The following IKZF4 variants were observed in gnomAD, a reference collection of about 807,000 sequenced individuals.
The protein encoded by IKZF4 is IKAROS family zinc finger 4, also known as zinc finger protein Eos.
In IKZF4, 11 loss-of-function variants were observed where a neutral mutation model predicts 47.7. The observed-to-expected ratio is 0.23, with a 90% CI of 0.15 to 0.38. The LOEUF is 0.38. Among genes scored for constraint, IKZF4 ranks in the 10% least tolerant of loss-of-function variants. IKZF4 has a pLI of 1.00. For synonymous variants in IKZF4, 298 were observed against 299.4 expected (o/e 1.00, Z 0.05); for missense variants, 557 against 784.9 (o/e 0.71, Z 3.47).
At chr12:56,015,314 A>T (rs544574100) in intron 2 of IKZF4, among the ~76,000 whole-genome samples, 40 of 150,880 alleles carry the variant, frequency 2.7e-4, no homozygotes, top group African/African-American at 9.8e-4. Flanking sequence ...TGACCTCGTG[A>T]TCCGCCCGCC....
rs571926838 is a variant in IKZF4, at chr12:56,034,913, C to T, written c.1340C>T (p.Ala447Val). 1.9e-6 allele frequency: 3 copies of T among 1,597,696 alleles called. No homozygotes were observed. Among genetic ancestry groups the T allele is most frequent in the East Asian group, 4.5e-5 (2 of 44,362 alleles). ...CGAGGCCCCCTGACTGACCCTGGGG[C>T]ATCCCCCAGCAATGGCTGCCAGGAC... ...RPRGPLTDPG[A>V]SPSNGCQDST... The change falls in exon 8 of 8, where the codon GCA becomes GTA. Residue 447 changes from alanine to valine, a missense_variant. Around this residue, in one of 6 missense-constraint regions of IKZF4, gnomAD observed 280 missense variants for 314.0 expected, o/e 0.89. Coordinates refer to ENST00000547167, the MANE Select transcript of IKZF4 (RefSeq NM_022465.4).
At chr12:56,034,431 G>A in intron 7 of IKZF4, 140 bp from the exon 8 acceptor site, 2 of 778,002 alleles carry the variant, frequency 2.6e-6, no homozygotes, top group Non-Finnish European at 2.0e-6. Context: ...GTCCCACAAA[G>A]GACCTGACCC....
At chr12:56,009,248 A>G (rs1193045430) in intron 1 of IKZF4, among the ~76,000 whole-genome samples, 1 of 152,220 alleles carries the variant, frequency 6.6e-6, no homozygotes, top group Non-Finnish European at 1.5e-5. Flanking sequence ...TGCCTGGGTG[A>G]AGATACATGT....
At position 56,035,268 on chromosome 12, in the gene IKZF4, T is replaced by C. The variant is rs1160675131; in HGVS notation, c.1695T>C (p.Tyr565=). 1 of 1,614,084 alleles carries C rather than the reference T, an allele frequency of 6.2e-7. No homozygotes were observed. Among genetic ancestry groups the C allele is most frequent in the South Asian group, 1.1e-5 (1 of 91,076 alleles). Residue 565 remains tyrosine, a synonymous_variant, in exon 8 of 8, where the codon TAT becomes TAC. Coordinates refer to ENST00000547167, the MANE Select transcript of IKZF4 (RefSeq NM_022465.4). The surrounding 1 kb of genome is among the most constrained non-coding windows in gnomAD (Gnocchi z 6.1). ...RDPFECNICG[Y]HSQDRYEFSS... is the part of the protein sequence containing the mutation. ...CTTTTGAGTGCAACATCTGTGGTTATCACAGCCAGGACCGGTACGAATTCT... is the reference window on the plus strand; with the variant it reads ...CTTTTGAGTGCAACATCTGTGGTTACCACAGCCAGGACCGGTACGAATTCT...
At chr12:56,025,627 CT>C (rs1893838215) in intron 3 of IKZF4, among the ~76,000 whole-genome samples, 1 of 152,136 alleles carries the variant, frequency 6.6e-6, no homozygotes, top group African/African-American at 2.4e-5. Context: ...GAGCCAAAGC[CT>C]TCTCCTCAAT....
chr12:56,024,932 T>C (rs956427889), intron 2 of IKZF4, 122 bp from the exon 3 acceptor site: 42 of 1,530,790 alleles, frequency 2.7e-5, no homozygotes, highest in Non-Finnish European at 3.7e-5. Context: ...ACAACACTGC[T>C]TTGTACATGG....
intron 2 of IKZF4, among the ~76,000 whole-genome samples, chr12:56,013,379 A>G (rs1308241864): frequency 6.6e-6 from 1 of 152,052 alleles, no homozygotes; most frequent in South Asian, 2.1e-4. Context: ...TATTTTTAGT[A>G]GAGATGGGGT....
chr12:56,018,747 A>C (rs1413503609), upstream of IKZF4, among the ~76,000 whole-genome samples: 1 of 151,508 alleles, frequency 6.6e-6, no homozygotes, highest in Non-Finnish European at 1.5e-5. Flanking sequence ...TAAATTTTTA[A>C]GAGATACCAG....
chr12:56,017,843 C>A (rs967710630), upstream of IKZF4, among the ~76,000 whole-genome samples: 1 of 152,004 alleles, frequency 6.6e-6, no homozygotes, highest in Admixed American at 6.6e-5. Flanking sequence ...GCACATGCCA[C>A]GATGCCTAAT....
At chr12:56,010,272 C>G (rs1164252342) in intron 1 of IKZF4, 2 of 152,118 alleles carry the variant, frequency 1.3e-5, no homozygotes, top group Non-Finnish European at 2.9e-5. Flanking sequence ...GGACTCTGTT[C>G]TGGAAACAGA....
chr12:56,021,211 T>A lies in IKZF4; in HGVS notation c.-283T>A. On this transcript the variant is annotated 5_prime_UTR_variant, in exon 1 of 8. Transcript: ENST00000547167. Reference sequence around the variant, plus strand: ...TAGCATCTCCCCCACTATATACACATATACATTCTCTCCAGCCCCCTCCCC... The same window carrying A: ...TAGCATCTCCCCCACTATATACACAAATACATTCTCTCCAGCCCCCTCCCC... The A allele has an allele frequency of 7.7e-7, 1 of 1,300,608 alleles. No individual in the cohort carries two copies. Among genetic ancestry groups the A allele is most frequent in the Non-Finnish European group, 9.9e-7 (1 of 1,014,992 alleles). The allele number at this position is 1,300,608 out of a possible 1,614,324, so 80.6% of individuals were successfully genotyped here.
chr12:56,021,068 G>T lies in IKZF4; in HGVS notation c.-426G>T. 8.5e-7 allele frequency: 1 copy of T among 1,181,580 alleles called. No individual in the cohort carries two copies. Among genetic ancestry groups the T allele is most frequent in the South Asian group, 2.1e-5 (1 of 47,276 alleles). The allele number at this position is 1,181,580 out of a possible 1,614,324, so 73.2% of individuals were successfully genotyped here. On this transcript the variant is annotated 5_prime_UTR_variant, in exon 1 of 8. Transcript: ENST00000547167. ...ACACTCTTGCCTCTCTCAGGCATTT[G>T]TTGTGCAGTTCCTCTTTGTCTGCTG...
intron 7 of IKZF4, among the ~76,000 whole-genome samples, chr12:56,034,309 A>C (rs936649401): frequency 2.6e-5 from 4 of 152,194 alleles, no homozygotes; most frequent in African/African-American, 9.7e-5. Flanking sequence ...AGCACTAGTC[A>C]TGAGCTCTCT....
intron 5 of IKZF4, 161 bp from the exon 6 acceptor site, chr12:56,032,400 C>A: frequency 6.1e-6 from 4 of 656,526 alleles, no homozygotes; most frequent in Non-Finnish European, 1.0e-5. Flanking sequence ...CATCTGTCCG[C>A]GGTTGCAGTT....
Position 56,021,274 on chromosome 12 carries a change from CCTCTCTCTCT to C in IKZF4, c.-208_-199del, listed in dbSNP as rs748445477. Reference sequence around the variant, plus strand: ...GCGTGCTCTCCCCTCTCCTTCTCTCCCTCTCTCTCTCTCTCTCTCTCACACACACACACAC... The same window carrying C: ...GCGTGCTCTCCCCTCTCCTTCTCTCCCTCTCTCTCTCACACACACACACAC... On this transcript the variant is annotated 5_prime_UTR_variant, in exon 1 of 8. Coordinates refer to ENST00000547167, the MANE Select transcript of IKZF4 (RefSeq NM_022465.4). 1.5e-6 allele frequency: 2 copies of C among 1,309,682 alleles called. No individual in the cohort carries two copies. Among genetic ancestry groups the C allele is most frequent in the African/African-American group, 1.9e-5 (1 of 53,294 alleles). The allele number at this position is 1,309,682 out of a possible 1,614,324, so 81.1% of individuals were successfully genotyped here.
At chr12:56,024,412 A>T (rs1023294625) in intron 2 of IKZF4, among the ~76,000 whole-genome samples, 15 of 152,208 alleles carry the variant, frequency 9.9e-5, no homozygotes, top group African/African-American at 3.1e-4. Context: ...TCCCAGTTCC[A>T]CACTAGCAGC....
chr12:56,026,968 G>A lies in IKZF4; in HGVS notation c.474G>A (p.Lys158=), dbSNP rs1204712523. The change falls in exon 4 of 8, where the codon AAG becomes AAA. Residue 158 remains lysine, a synonymous_variant. Coordinates refer to ENST00000547167, the MANE Select transcript of IKZF4 (RefSeq NM_022465.4). ...GGGGCATCCGGCTGCCCAATGGCAA[G>A]CTCAAGTGTGACGTCTGCGGCATGG... is the stretch of plus-strand genomic sequence containing the variant. ...SPGGIRLPNG[K]LKCDVCGMVC... is the part of the protein sequence containing the mutation. 6.8e-6 allele frequency: 11 copies of A among 1,610,574 alleles called. No individual in the cohort carries two copies. Among genetic ancestry groups the A allele is most frequent in the Non-Finnish European group, 9.3e-6 (11 of 1,178,332 alleles).
chr12:56,033,398 C>T (rs1167162725), intron 7 of IKZF4, 77 bp downstream of exon 7: 7 of 1,575,450 alleles, frequency 4.4e-6, no homozygotes, highest in East Asian at 2.3e-5. Context: ...TCTGGAGATT[C>T]GGTTTGGGGA....
At chr12:56,029,168 A>G (rs1265652545) in intron 5 of IKZF4, among the ~76,000 whole-genome samples, 3 of 152,204 alleles carry the variant, frequency 2.0e-5, no homozygotes, top group Non-Finnish European at 4.4e-5. Context: ...TCTGTTCCCT[A>G]TCCCAAGAGG....
Sources: gnomAD v4.1 joint callset for allele counts (sites outside exome capture counted in the v4.1 genomes callset) on GRCh38, gnomAD v4.1.1 for gene constraint, gnomAD v4.1.1 regional missense constraint, Gnocchi (gnomAD v3.1) non-coding constraint, MANE v1.5 for transcripts, NCBI Gene and HGNC (gene_info 2026-07-23, HGNC 2026-07-21) for gene names.